Variants in ZDHHC13 observed in about 807,000 individuals in gnomAD.
The protein encoded by ZDHHC13 is palmitoyltransferase ZDHHC13.
A neutral mutation model predicts 86.0 loss-of-function variants in ZDHHC13; 85 were observed. The observed-to-expected ratio is 0.99, with a 90% CI of 0.83 to 1.18. ZDHHC13 has a LOEUF of 1.18. Ranked by LOEUF, ZDHHC13 falls within the 50% of genes most tolerant of loss-of-function variation. The pLI, the probability that ZDHHC13 is intolerant of heterozygous loss-of-function variation, is 0.00. For missense variants in ZDHHC13, 711 were observed against 730.2 expected (o/e 0.97, Z 0.30); for synonymous variants, 263 against 246.4 (o/e 1.07, Z -0.63).
chr11:19,119,932 TTCTC>T (rs988411780), intron 1 of ZDHHC13, among the ~76,000 whole-genome samples: 6 of 152,030 alleles, frequency 3.9e-5, no homozygotes, highest in African/African-American at 1.5e-4. Flanking sequence ...CACTCGCTCC[TTCTC>T]TCTCACTCTC....
At chr11:19,161,460 T>G (rs61043648) in intron 10 of ZDHHC13, among the ~76,000 whole-genome samples, 1,551 of 152,048 alleles carry the variant, frequency 0.01, 54 homozygotes, top group African/African-American at 0.036. Context: ...ATTATTCTTA[T>G]GAATAAAATT....
chr11:19,143,501 C>T (rs1050940441), intron 2 of ZDHHC13, among the ~76,000 whole-genome samples: 2 of 152,180 alleles, frequency 1.3e-5, no homozygotes, highest in South Asian at 4.1e-4. Flanking sequence ...TTAAAATATA[C>T]TACAACCTGA....
intron 3 of ZDHHC13, among the ~76,000 whole-genome samples, chr11:19,146,757 T>G (rs1849478393): frequency 6.6e-6 from 1 of 152,182 alleles, no homozygotes. Flanking sequence ...ATATTTCCCC[T>G]TCATAAAGCA....
chr11:19,153,413 TTATTAA>T (rs1849665719), intron 8 of ZDHHC13, among the ~76,000 whole-genome samples: 1 of 152,236 alleles, frequency 6.6e-6, no homozygotes, highest in Non-Finnish European at 1.5e-5. Flanking sequence ...TACCATCATC[TTATTAA>T]TAATAATTAG....
At chr11:19,151,995 A>G (rs1321112931) in intron 6 of ZDHHC13, among the ~76,000 whole-genome samples, 163 bp from the exon 7 acceptor site, 3 of 152,080 alleles carry the variant, frequency 2.0e-5, no homozygotes, top group Non-Finnish European at 4.4e-5. Context: ...TTAATCTCCT[A>G]TTAGTACCTA....
At chr11:19,168,598 C>T (rs933983672) in intron 14 of ZDHHC13, 6 of 157,002 alleles carry the variant, frequency 3.8e-5, no homozygotes, top group African/African-American at 1.4e-4. Flanking sequence ...CATTTATATT[C>T]CAGCAATATT....
intron 4 of ZDHHC13, chr11:19,148,930 G>C (rs533017279): frequency 3.8e-6 from 1 of 266,418 alleles, no homozygotes; most frequent in African/African-American, 2.2e-5. Context: ...CTCCAGCCTG[G>C]GTCACAGAGC....
rs376906312 is a variant in ZDHHC13, at chr11:19,143,021, G to A, written c.71G>A (p.Arg24Gln). The change falls in exon 2 of 17, where the codon CGA becomes CAA. Residue 24 changes from arginine to glutamine, a missense_variant. Coordinates refer to ENST00000446113, the MANE Select transcript of ZDHHC13 (RefSeq NM_019028.3). ...GGCCCCCACCCTCCAGGATTTGGTC[G>A]ATATGGCATCTGTGCACATGAAAAC... ...SHGPHPPGFGRYGICAHENKE... is the reference protein window; with the variant it reads ...SHGPHPPGFGQYGICAHENKE... 9.7e-5 allele frequency: 156 copies of A among 1,611,934 alleles called. No homozygotes were observed. The highest frequency in any genetic ancestry group is 1.2e-4 in the Non-Finnish European group (140 of 1,179,014).
intron 1 of ZDHHC13, among the ~76,000 whole-genome samples, chr11:19,140,986 A>G (rs1259476625): frequency 1.3e-5 from 2 of 151,832 alleles, no homozygotes; most frequent in East Asian, 1.9e-4. Flanking sequence ...TAGTGGGTGC[A>G]GCGCACCGGC....
chr11:19,174,520 T>C (rs79350203), intron 16 of ZDHHC13, among the ~76,000 whole-genome samples: 2,271 of 152,362 alleles, frequency 0.015, 62 homozygotes, highest in African/African-American at 0.052. Flanking sequence ...GAACACAATC[T>C]TCTAAACAGC....
Position 19,172,775 on chromosome 11 carries a change from G to A in ZDHHC13, c.1685G>A (p.Ser562Asn), listed in dbSNP as rs759922127. Residue 562 changes from serine (S) to asparagine (N), a missense_variant, in exon 16 of 17, where the codon AGC (serine) becomes AAC (asparagine). By Grantham distance (46) the Ser-to-Asn change is conservative (BLOSUM62 1). Coordinates refer to ENST00000446113, the MANE Select transcript of ZDHHC13 (RefSeq NM_019028.3). ...GAGAGAATCAGCCTGCAGAAGCAGA[G>A]CAAGCATATGAAACAGACGTTGTCC... ...SHERISLQKQSKHMKQTLSLR... is the reference protein window; with the variant it reads ...SHERISLQKQNKHMKQTLSLR... 15 of 1,606,740 alleles carry A rather than the reference G, an allele frequency of 9.3e-6. No homozygotes were observed. The highest frequency in any genetic ancestry group is 6.7e-5 in the South Asian group (6 of 89,216).
chr11:19,133,942 T>TACACAC (rs559585845), intron 1 of ZDHHC13, among the ~76,000 whole-genome samples: 80 of 95,890 alleles, frequency 8.3e-4, no homozygotes, highest in Non-Finnish European at 1.4e-3. Context: ...TATATATATA[T>TACACAC]ACACGTATGT....
chr11:19,156,574 C>T (rs1418471549), intron 9 of ZDHHC13, among the ~76,000 whole-genome samples: 1 of 152,208 alleles, frequency 6.6e-6, no homozygotes, highest in Non-Finnish European at 1.5e-5. Context: ...CTATAGCTGA[C>T]ACATAGTACT....
At chr11:19,164,613 T>C (rs1232215941) in intron 12 of ZDHHC13, 6 of 518,160 alleles carry the variant, frequency 1.2e-5, no homozygotes, top group Non-Finnish European at 2.1e-5. Context: ...TGCTTTTCTC[T>C]GTCATGAAGC....
At chr11:19,129,487 A>G (rs1394459309) in intron 1 of ZDHHC13, among the ~76,000 whole-genome samples, 1 of 152,120 alleles carries the variant, frequency 6.6e-6, no homozygotes, top group Non-Finnish European at 1.5e-5. Flanking sequence ...GAATTTTCAT[A>G]TAAAGAATTT....
At chr11:19,140,322 C>T (rs1404649984) in intron 1 of ZDHHC13, among the ~76,000 whole-genome samples, 4 of 152,140 alleles carry the variant, frequency 2.6e-5, no homozygotes, top group South Asian at 2.1e-4. Context: ...AAAATGCTCA[C>T]CATCACTGGC....
At chr11:19,159,583 T>C (rs1473150446) in intron 10 of ZDHHC13, among the ~76,000 whole-genome samples, 1 of 150,270 alleles carries the variant, frequency 6.7e-6, no homozygotes. Context: ...TATGGTGTTA[T>C]TTCATCCCAT....
intron 1 of ZDHHC13, among the ~76,000 whole-genome samples, chr11:19,135,694 C>G (rs1470598624): frequency 2.6e-5 from 4 of 152,246 alleles, no homozygotes; most frequent in Non-Finnish European, 5.9e-5. Context: ...TTGAAGAGAG[C>G]AGTGGTTCTC....
intron 15 of ZDHHC13, 140 bp from the exon 16 acceptor site, chr11:19,172,583 C>T (rs1850252385): frequency 5.3e-6 from 3 of 563,150 alleles, no homozygotes; most frequent in Admixed American, 7.6e-5. Context: ...TTCTGATTAA[C>T]TTTTTCTTTG....
Sources: allele counts gnomAD v4.1 joint callset (sites outside exome capture counted in the v4.1 genomes callset), GRCh38; gene constraint gnomAD v4.1.1; transcripts MANE v1.5; gene names NCBI Gene and HGNC (gene_info 2026-07-23, HGNC 2026-07-21).